Variants in RBM45 observed in about 807,000 individuals in gnomAD.
RBM45 encodes the protein RNA-binding protein 45.
A neutral mutation model predicts 58.5 loss-of-function variants in RBM45; 39 were observed. That is an observed-to-expected ratio of 0.67 (90% CI 0.52 to 0.87). The LOEUF (loss-of-function observed/expected upper bound fraction) is 0.87. RBM45 is among the 40% of genes least tolerant of loss of function. The pLI is 0.00. For missense variants in RBM45, 481 were observed against 581.6 expected (o/e 0.83, Z 1.78); for synonymous variants, 193 against 203.0 (o/e 0.95, Z 0.42).
chr2:178,132,740 G>A (rs2088014848), downstream of RBM45, among the ~76,000 whole-genome samples: 1 of 152,120 alleles, frequency 6.6e-6, no homozygotes, highest in African/African-American at 2.4e-5. Context: ...ACAGGCACGT[G>A]CCACCACACC....
At chr2:178,134,415 A>G (rs1011775601), downstream of RBM45, among the ~76,000 whole-genome samples, 1 of 152,214 alleles carries the variant, frequency 6.6e-6, no homozygotes, top group Non-Finnish European at 1.5e-5. Context: ...CGTTCTCTGA[A>G]TTCTTCTCCA....
Position 178,126,179 on chromosome 2 carries a change from C to G in RBM45, c.*3C>G, listed in dbSNP as rs547042178. 6.2e-7 allele frequency: 1 copy of G among 1,609,296 alleles called. No homozygotes were observed. The highest frequency in any genetic ancestry group is 1.3e-5 in the African/African-American group (1 of 74,828). Reference sequence around the variant, plus strand: ...ACAAACGGCAAAGAACTTACTGATTCTTGAGGTAAGCCCTTTTTAATCTGA... The same window carrying G: ...ACAAACGGCAAAGAACTTACTGATTGTTGAGGTAAGCCCTTTTTAATCTGA... On this transcript the variant is annotated 3_prime_UTR_variant, in exon 9 of 10. Transcript: ENST00000286070.
chr2:178,126,182 G>A lies in RBM45; in HGVS notation c.*6G>A, dbSNP rs771174100. 17 of 1,606,542 alleles carry A rather than the reference G, an allele frequency of 1.1e-5. No individual in the cohort carries two copies. The Admixed American group carries it at 2.5e-4, about 24-fold the overall frequency. On this transcript the variant is annotated splice_region_variant and 3_prime_UTR_variant, in exon 9 of 10. Transcript: ENST00000286070. ...AACGGCAAAGAACTTACTGATTCTTGAGGTAAGCCCTTTTTAATCTGAATT... is the reference window on the plus strand; with the variant it reads ...AACGGCAAAGAACTTACTGATTCTTAAGGTAAGCCCTTTTTAATCTGAATT...
intron 2 of RBM45, 28 bp from the exon 3 acceptor site, chr2:178,118,027 C>T: frequency 1.3e-6 from 2 of 1,519,962 alleles, no homozygotes; most frequent in Non-Finnish European, 1.8e-6. Context: ...TTTAAGTCCC[C>T]TAAAATCATG....
intron 3 of RBM45, among the ~76,000 whole-genome samples, chr2:178,119,882 G>C (rs558785170): frequency 1.8e-4 from 28 of 152,296 alleles, no homozygotes; most frequent in African/African-American, 6.7e-4. Context: ...AAAAACAGAG[G>C]CAGGGAAGTT....
rs192805101 is a variant in RBM45 at position 178,118,456 on chromosome 2, T to C, written c.550+275T>C. Among the ~76,000 whole-genome samples, 50 of 152,254 alleles carry C rather than the reference T, an allele frequency of 3.3e-4. No individual in the cohort carries two copies. The East Asian group carries it at 9.1e-3, about 28-fold the overall frequency. On this transcript the variant is annotated intron_variant, in intron 3 of 9. Transcript: ENST00000286070. ...TATTTTTATAGGTTTTTAGGGTTTT[T>C]TAAGTGTATTTTAGAATTTTAAGTA...
Position 178,116,323 on chromosome 2 carries a change from C to A in RBM45, c.362C>A (p.Thr121Lys), listed in dbSNP as rs2087776347. The A allele has an allele frequency of 1.2e-6, 2 of 1,612,528 alleles. No homozygotes were observed. The highest frequency in any genetic ancestry group is 8.5e-7 in the Non-Finnish European group (1 of 1,179,450). Residue 121 changes from threonine to lysine, a missense_variant, in exon 2 of 10, where the codon ACA becomes AAA. Transcript: ENST00000286070. The part of the protein sequence containing the change: ...SHRDVEDEEL[T>K]RIFVMIPKSY... ...CGAGATGTTGAAGATGAAGAACTTA[C>A]AAGAATCTTTGTTATGATACCAAAG...
Position 178,124,274 on chromosome 2 carries a change from T to G in RBM45, c.1216T>G (p.Leu406Val). The stretch of plus-strand genomic sequence containing the variant: ...TCCTCATCCTTTACCTTTAGACGTA[T>G]TAGAAGATATATTCTGGTAAGAAAG... ...FNPHPLPLDV[L>V]EDIFCRFGNL... Residue 406 changes from leucine (L) to valine (V), a missense_variant, in exon 8 of 10, where the codon TTA (leucine) becomes GTA (valine). Coordinates refer to ENST00000286070, the MANE Select transcript of RBM45 (RefSeq NM_152945.4). 6.5e-7 allele frequency: 1 copy of G among 1,548,062 alleles called. No individual in the cohort carries two copies. Among genetic ancestry groups the G allele is most frequent in the South Asian group, 1.2e-5 (1 of 81,900 alleles).
At chr2:178,124,429 C>A in intron 8 of RBM45, 139 bp downstream of exon 8, 1 of 463,650 alleles carries the variant, frequency 2.2e-6, no homozygotes, top group Non-Finnish European at 3.7e-6. Context: ...TTATTTGTAT[C>A]ATCTTTTTCA....
intron 3 of RBM45, among the ~76,000 whole-genome samples, chr2:178,119,584 A>G (rs1322169218): frequency 1.3e-5 from 2 of 152,256 alleles, no homozygotes; most frequent in Non-Finnish European, 2.9e-5. Context: ...AAGTAAGAAC[A>G]GTTGATCTAA....
At position 178,118,179 on chromosome 2, in the gene RBM45, G is replaced by A. The variant is rs139412077; in HGVS notation, c.548G>A (p.Arg183Gln). 1.5e-5 allele frequency: 24 copies of A among 1,610,274 alleles called. No individual in the cohort carries two copies. Among genetic ancestry groups the A allele is most frequent in the Middle Eastern group, 1.7e-4 (1 of 6,002 alleles). Residue 183 changes from arginine (R) to glutamine (Q), a missense_variant and splice_region_variant, in exon 3 of 10, where the codon CGA (arginine) becomes CAA (glutamine). By Grantham distance (43) the Arg-to-Gln change is conservative. Transcript: ENST00000286070. Reference protein sequence around the residue: ...QAAQAIENCDRSFRAILAEPK... With the variant: ...QAAQAIENCDQSFRAILAEPK... The stretch of plus-strand genomic sequence containing the variant: ...GCCCAAGCAATAGAAAACTGTGATC[G>A]AAGTAAGGATGTGTTTAACATTGTT...
In RBM45 at chr2:178,112,824, C is replaced by A; in HGVS notation, c.278C>A (p.Pro93His). The A allele has an allele frequency of 6.2e-7, 1 of 1,609,814 alleles. No homozygotes were observed. The highest frequency in any genetic ancestry group is 1.7e-4 in the Middle Eastern group (1 of 6,050). Reference protein sequence around the residue: ...MEEMHGQCLGPNDTKPIKVFI... With the variant: ...MEEMHGQCLGHNDTKPIKVFI... ...GAGATGCATGGCCAGTGCCTCGGCC[C>A]CAACGACACCAAGCCCATCAAGGTG... The change falls in exon 1 of 10, where the codon CCC becomes CAC. Residue 93 changes from proline (P) to histidine (H), a missense_variant. Coordinates refer to ENST00000286070, the MANE Select transcript of RBM45 (RefSeq NM_152945.4).
Position 178,122,115 on chromosome 2 carries a change from A to G in RBM45, c.853+756A>G, listed in dbSNP as rs575349267. ...CCCCTCTGAGCCTCTCTTTCCTCGT[A>G]TGTAAAATGGGATCATTGATACCTT... On this transcript the variant is annotated intron_variant, in intron 5 of 9. Transcript: ENST00000286070. Among the ~76,000 whole-genome samples the G allele has an allele frequency of 1.4e-4, 22 of 152,284 alleles. No individual in the cohort carries two copies. In the South Asian group the frequency reaches 3.5e-3, roughly 24 times the overall value.
downstream of RBM45, among the ~76,000 whole-genome samples, chr2:178,131,104 T>G (rs908636862): frequency 6.6e-6 from 1 of 152,176 alleles, no homozygotes; most frequent in Admixed American, 6.5e-5. Flanking sequence ...TTGTTTTTAA[T>G]TTTTTAAAAG....
chr2:178,128,510 G>A (rs2153906508), intron 9 of RBM45, among the ~76,000 whole-genome samples: 1 of 152,252 alleles, frequency 6.6e-6, no homozygotes, highest in African/African-American at 2.4e-5. Context: ...CTACCTTGTG[G>A]CCAGTTGGTA....
chr2:178,112,571 A>G lies in RBM45; in HGVS notation c.25A>G (p.Ser9Gly), dbSNP rs749077925. Residue 9 changes from serine (S) to glycine (G), a missense_variant, in exon 1 of 10, where the codon AGC (serine) becomes GGC (glycine). Coordinates refer to ENST00000286070, the MANE Select transcript of RBM45 (RefSeq NM_152945.4). MDEAGSSASGGGFRPGVDS... is the reference protein window; with the variant it reads MDEAGSSAGGGGFRPGVDS... Reference sequence around the variant, plus strand: ...CATGGACGAAGCTGGCAGCTCTGCGAGCGGCGGGGGCTTCCGCCCGGGCGT... The same window carrying G: ...CATGGACGAAGCTGGCAGCTCTGCGGGCGGCGGGGGCTTCCGCCCGGGCGT... The G allele has an allele frequency of 3.7e-6, 6 of 1,611,494 alleles. No homozygotes were observed. The highest frequency in any genetic ancestry group is 5.1e-6 in the Non-Finnish European group (6 of 1,179,138).
At chr2:178,121,119 G>A in intron 4 of RBM45, 61 bp from the exon 5 acceptor site, 1 of 812,916 alleles carries the variant, frequency 1.2e-6, no homozygotes, top group Non-Finnish European at 2.0e-6. Context: ...TATTTAAAAT[G>A]TTAAGCGAAT....
At chr2:178,116,170 A>C in intron 1 of RBM45, 92 bp from the exon 2 acceptor site, 1 of 1,447,856 alleles carries the variant, frequency 6.9e-7, no homozygotes, top group Non-Finnish European at 9.2e-7. Flanking sequence ...ATTAAAAAAA[A>C]GTCATTGCAA....
At chr2:178,126,352 T>G (rs2087929364) in intron 9 of RBM45, among the ~76,000 whole-genome samples, 168 bp downstream of exon 9, 1 of 152,264 alleles carries the variant, frequency 6.6e-6, no homozygotes, top group Non-Finnish European at 1.5e-5. Flanking sequence ...TGAAGAATGT[T>G]TTTGCCCTTC....
Sources: allele counts gnomAD v4.1 joint callset (sites outside exome capture counted in the v4.1 genomes callset), GRCh38; gene constraint gnomAD v4.1.1; transcripts MANE v1.5; gene names NCBI Gene and HGNC (gene_info 2026-07-23, HGNC 2026-07-21).